Variants in CADM2 observed in about 807,000 individuals in gnomAD.
CADM2 encodes the protein cell adhesion molecule 2.
A neutral mutation model predicts 49.8 loss-of-function variants in CADM2; 12 were observed. That is an observed-to-expected ratio of 0.24 (90% CI 0.15 to 0.39). The LOEUF is 0.39. Among genes scored for constraint, CADM2 ranks in the 10% least tolerant of loss-of-function variants. The pLI is 1.00. For missense variants in CADM2, 378 were observed against 492.3 expected (o/e 0.77, Z 2.20); for synonymous variants, 214 against 175.4 (o/e 1.22, Z -1.74).
chr3:86,047,287 G>A (rs1157453782), intron 8 of CADM2, among the ~76,000 whole-genome samples: 1 of 152,092 alleles, frequency 6.6e-6, no homozygotes, highest in South Asian at 2.1e-4. Context: ...GTAATTTATG[G>A]GAAGGCATCG....
intron 8 of CADM2, among the ~76,000 whole-genome samples, chr3:86,029,560 T>C (rs1176478609): frequency 6.6e-6 from 1 of 151,914 alleles, no homozygotes; most frequent in Non-Finnish European, 1.5e-5. Flanking sequence ...TCTGAGTATT[T>C]TCGTGTCTTT....
chr3:85,379,889 T>G (rs1388166878), intron 1 of CADM2, among the ~76,000 whole-genome samples: 1 of 152,092 alleles, frequency 6.6e-6, no homozygotes, highest in Non-Finnish European at 1.5e-5. Context: ...TCAGCTTTCA[T>G]TATTTCCTCT....
chr3:85,668,832 G>A (rs1413483855), intron 1 of CADM2, among the ~76,000 whole-genome samples: 1 of 152,082 alleles, frequency 6.6e-6, no homozygotes. Context: ...CTCATGACAT[G>A]TAGTTTATAA....
At chr3:84,992,896 G>A (rs998372924) in intron 1 of CADM2, among the ~76,000 whole-genome samples, 1 of 152,092 alleles carries the variant, frequency 6.6e-6, no homozygotes, top group Non-Finnish European at 1.5e-5. Context: ...AGGTAGAGAC[G>A]AGCAGCCTTT....
chr3:85,775,358 T>G (rs2070309333), intron 2 of CADM2, among the ~76,000 whole-genome samples: 1 of 151,768 alleles, frequency 6.6e-6, no homozygotes, highest in Non-Finnish European at 1.5e-5. Context: ...TATAGTATAA[T>G]AATATTACTA....
chr3:85,419,423 A>T (rs1162984585), intron 1 of CADM2, among the ~76,000 whole-genome samples: 2 of 151,024 alleles, frequency 1.3e-5, no homozygotes, highest in African/African-American at 4.9e-5. Context: ...GCGCCACTGC[A>T]CTCCAGCCTG....
intron 1 of CADM2, among the ~76,000 whole-genome samples, chr3:85,384,186 G>C (rs1361339862): frequency 6.6e-6 from 1 of 151,932 alleles, no homozygotes; most frequent in East Asian, 1.9e-4. Context: ...AAAGAAAAAC[G>C]ACATCCCATT....
intron 6 of CADM2, among the ~76,000 whole-genome samples, chr3:85,925,115 T>C (rs891922658): frequency 1.1e-4 from 16 of 151,062 alleles, no homozygotes; most frequent in Non-Finnish European, 1.8e-4. Flanking sequence ...GTCACTTTTC[T>C]AAGTAATCTT....
At chr3:85,489,000 T>G (rs1420430650) in intron 1 of CADM2, among the ~76,000 whole-genome samples, 1 of 152,114 alleles carries the variant, frequency 6.6e-6, no homozygotes, top group Non-Finnish European at 1.5e-5. Context: ...ATACTGTGTA[T>G]ATTTATTTAT....
At chr3:85,944,637 T>C (rs1198520724) in intron 7 of CADM2, among the ~76,000 whole-genome samples, 2 of 152,140 alleles carry the variant, frequency 1.3e-5, no homozygotes, top group East Asian at 3.9e-4. Flanking sequence ...ACTGCTCAAC[T>C]ACATGGAAAC....
chr3:85,515,631 A>ATTTT (rs1553734357), intron 1 of CADM2, among the ~76,000 whole-genome samples: 18 of 118,406 alleles, frequency 1.5e-4, no homozygotes, highest in African/African-American at 4.7e-4. Context: ...ATATATATAT[A>ATTTT]TTTTTTTTTT....
chr3:85,956,519 G>C (rs935093376), intron 7 of CADM2, among the ~76,000 whole-genome samples: 1 of 151,420 alleles, frequency 6.6e-6, no homozygotes, highest in Non-Finnish European at 1.5e-5. Context: ...ATGCTATTTT[G>C]CCACCTTGAA....
At chr3:85,348,753 C>G (rs1044396337) in intron 1 of CADM2, among the ~76,000 whole-genome samples, 2 of 152,074 alleles carry the variant, frequency 1.3e-5, no homozygotes, top group African/African-American at 4.8e-5. Flanking sequence ...TACCTAAAAA[C>G]TTGAAAAATT....
chr3:85,039,608 C>T (rs903410859), intron 1 of CADM2, among the ~76,000 whole-genome samples: 1 of 152,154 alleles, frequency 6.6e-6, no homozygotes, highest in Non-Finnish European at 1.5e-5. Context: ...CCCTGCCTTC[C>T]TCTTAATCTA....
chr3:85,531,760 A>G (rs961597619), intron 1 of CADM2, among the ~76,000 whole-genome samples: 1 of 152,240 alleles, frequency 6.6e-6, no homozygotes, highest in African/African-American at 2.4e-5. Flanking sequence ...ATAAAGGTAG[A>G]AAAATAAAAA....
chr3:86,040,475 G>T (rs1735734599), intron 8 of CADM2, among the ~76,000 whole-genome samples: 1 of 152,160 alleles, frequency 6.6e-6, no homozygotes, highest in African/African-American at 2.4e-5. Flanking sequence ...CTGGAAGAAA[G>T]GGTATCAGTG....
At chr3:85,863,149 A>G (rs1185639782) in intron 3 of CADM2, among the ~76,000 whole-genome samples, 1 of 152,152 alleles carries the variant, frequency 6.6e-6, no homozygotes, top group Non-Finnish European at 1.5e-5. Flanking sequence ...CTAAGATAAG[A>G]TGAAAGCATT....
At chr3:85,137,480 A>G (rs1269412933) in intron 1 of CADM2, among the ~76,000 whole-genome samples, 1 of 152,056 alleles carries the variant, frequency 6.6e-6, no homozygotes, top group Non-Finnish European at 1.5e-5. Flanking sequence ...TAGTTTTATA[A>G]TCTAAAACAA....
intron 1 of CADM2, among the ~76,000 whole-genome samples, chr3:85,593,401 T>C (rs1161753094): frequency 1.3e-5 from 2 of 151,972 alleles, no homozygotes; most frequent in Non-Finnish European, 2.9e-5. Flanking sequence ...AGAGCCTCAA[T>C]TTTTTCATCT....
Sources: allele counts gnomAD v4.1 joint callset (sites outside exome capture counted in the v4.1 genomes callset), GRCh38; gene constraint gnomAD v4.1.1; transcripts MANE v1.5; gene names NCBI Gene and HGNC (gene_info 2026-07-23, HGNC 2026-07-21).